Variants in PCDHGB3 observed in about 807,000 individuals in gnomAD.
PCDHGB3 encodes protocadherin gamma subfamily B, 3.
A neutral mutation model predicts 59.2 loss-of-function variants in PCDHGB3; 40 were observed. The ratio of observed to expected loss-of-function variants is 0.68; its 90% CI spans 0.52 to 0.88. The LOEUF (loss-of-function observed/expected upper bound fraction) is 0.88, where lower values mean the gene tolerates loss of function less well. Among genes scored for constraint, PCDHGB3 ranks in the 40% least tolerant of loss-of-function variants. The pLI, the probability that PCDHGB3 is intolerant of heterozygous loss-of-function variation, is 0.00. For missense variants in PCDHGB3, 1,309 were observed against 1,187.9 expected (o/e 1.10, Z -1.50); for synonymous variants, 581 against 503.6 (o/e 1.15, Z -2.06).
At position 141,384,907 on chromosome 5, in the gene PCDHGB3, G is replaced by A. The variant is rs753215361; in HGVS notation, c.2415+12098G>A. 1.5e-5 allele frequency: 24 copies of A among 1,613,952 alleles called. No homozygotes were observed. The South Asian group carries it at 2.3e-4, about 16-fold the overall frequency. ...CGTGGCTGTGGCTGACAGCATCCCCGAAGTCTTGGCCGACCTGGGCAGCCT... is the reference window on the plus strand; with the variant it reads ...CGTGGCTGTGGCTGACAGCATCCCCAAAGTCTTGGCCGACCTGGGCAGCCT... On this transcript the variant is annotated intron_variant, in intron 1 of 3. Transcript: ENST00000576222.
chr5:141,419,769 C>G (rs773303779), intron 1 of PCDHGB3: 3 of 1,613,888 alleles, frequency 1.9e-6, no homozygotes, highest in Non-Finnish European at 2.5e-6. Context: ...GACAAGGACT[C>G]GGTCCGCCAG....
intron 1 of PCDHGB3, among the ~76,000 whole-genome samples, chr5:141,492,490 G>C (rs2099741140): frequency 6.6e-6 from 1 of 152,208 alleles, no homozygotes; most frequent in Non-Finnish European, 1.5e-5. Context: ...CCAGGACCAG[G>C]CGAGGACTCC....
intron 3 of PCDHGB3, 57 bp from the exon 4 acceptor site, chr5:141,510,890 A>G (rs1434557860): frequency 1.2e-5 from 20 of 1,612,748 alleles, no homozygotes; most frequent in South Asian, 3.3e-5. Context: ...GATATAAGAC[A>G]GTGACTGTTG....
At chr5:141,437,249 T>G (rs2097870737) in intron 1 of PCDHGB3, among the ~76,000 whole-genome samples, 1 of 152,240 alleles carries the variant, frequency 6.6e-6, no homozygotes, top group African/African-American at 2.4e-5. Context: ...GGACTTTCCT[T>G]GTCTTTTTAT....
At chr5:141,480,021 C>T (rs1415230863) in intron 1 of PCDHGB3, among the ~76,000 whole-genome samples, 2 of 152,208 alleles carry the variant, frequency 1.3e-5, no homozygotes, top group East Asian at 3.8e-4. Flanking sequence ...AATCTCCTTT[C>T]TAAGCCTCTT....
intron 1 of PCDHGB3, among the ~76,000 whole-genome samples, chr5:141,460,961 A>ATATG (rs1463306338): frequency 3.5e-5 from 5 of 144,556 alleles, no homozygotes; most frequent in African/African-American, 1.3e-4. Flanking sequence ...GTATATATAT[A>ATATG]TGTGTGTGTG....
chr5:141,497,031 A>G (rs898409925), intron 2 of PCDHGB3, among the ~76,000 whole-genome samples: 14 of 152,184 alleles, frequency 9.2e-5, no homozygotes, highest in African/African-American at 3.4e-4. Context: ...TCGATTAAAA[A>G]TACAAAAATT....
intron 1 of PCDHGB3, among the ~76,000 whole-genome samples, chr5:141,380,688 T>C (rs1176696155): frequency 6.6e-6 from 1 of 152,260 alleles, no homozygotes; most frequent in Non-Finnish European, 1.5e-5. Flanking sequence ...TGCTTTGTGT[T>C]CGGAGTAGTC....
intron 1 of PCDHGB3, among the ~76,000 whole-genome samples, chr5:141,426,133 G>A (rs2096916691): frequency 6.6e-6 from 1 of 152,212 alleles, no homozygotes. Context: ...GCCAAGACTT[G>A]GGCTTTCTGC....
chr5:141,413,211 G>A, intron 1 of PCDHGB3: 1 of 1,613,214 alleles, frequency 6.2e-7, no homozygotes, highest in South Asian at 1.1e-5. Context: ...AGGAATCAAA[G>A]GATTGCAGCG....
intron 1 of PCDHGB3, among the ~76,000 whole-genome samples, chr5:141,465,422 G>A (rs74711061): frequency 0.01 from 1,576 of 152,260 alleles, 21 homozygotes; most frequent in African/African-American, 0.037. Context: ...AGCACTGAAA[G>A]GTGGGCACTT....
intron 1 of PCDHGB3, chr5:141,383,229 G>A: frequency 6.2e-7 from 1 of 1,613,958 alleles, no homozygotes. Flanking sequence ...ACATCCTGAT[G>A]GAAGATAAAA....
chr5:141,408,897 T>C (rs1156707427), intron 1 of PCDHGB3: 1 of 1,613,118 alleles, frequency 6.2e-7, no homozygotes, highest in East Asian at 2.2e-5. Context: ...GAAATTTCTG[T>C]CAAGGATACC....
chr5:141,502,383 G>A (rs941410477), intron 2 of PCDHGB3, among the ~76,000 whole-genome samples: 2 of 151,846 alleles, frequency 1.3e-5, no homozygotes, highest in African/African-American at 4.8e-5. Context: ...CAGGCCAGTT[G>A]TACTTTAAAA....
At chr5:141,418,310 G>C (rs778649723) in intron 1 of PCDHGB3, 2 of 1,613,990 alleles carry the variant, frequency 1.2e-6, no homozygotes, top group Non-Finnish European at 1.7e-6. Context: ...CCTGGGGATG[G>C]GAACAATTCT....
At position 141,487,329 on chromosome 5, in the gene PCDHGB3, C is replaced by T; in HGVS notation, c.2416-7478C>T. On this transcript the variant is annotated intron_variant, in intron 1 of 3. Coordinates refer to ENST00000576222, the MANE Select transcript of PCDHGB3 (RefSeq NM_018924.5). This position sits in a 1 kb window ranked among gnomAD's most constrained non-coding sequence, Gnocchi z 5.0. Reference sequence around the variant, plus strand: ...CTACTCTCTAAGTGTCTTCGTGGGGCAGCCTGTGGAGTCACATGCTTTCCT... The same window carrying T: ...CTACTCTCTAAGTGTCTTCGTGGGGTAGCCTGTGGAGTCACATGCTTTCCT... 1 of 1,614,170 alleles carries T rather than the reference C, an allele frequency of 6.2e-7. No homozygotes were observed. The highest frequency in any genetic ancestry group is 1.1e-5 in the South Asian group (1 of 91,070).
At chr5:141,410,659 C>T (rs1481225976) in intron 1 of PCDHGB3, 5 of 1,571,890 alleles carry the variant, frequency 3.2e-6, no homozygotes, top group Non-Finnish European at 4.3e-6. Flanking sequence ...ATCTAATAGT[C>T]TACTAGTTTC....
chr5:141,415,389 T>A lies in PCDHGB3; in HGVS notation c.2415+42580T>A, dbSNP rs1282535508. On this transcript the variant is annotated intron_variant, in intron 1 of 3. Transcript: ENST00000576222. ...AGGCTTCAGGAGGCGGCTTGACAGG[T>A]GTGTCCGGCTCGCACTTTGTGGGCG... 9.3e-6 allele frequency: 15 copies of A among 1,614,162 alleles called. No individual in the cohort carries two copies. The East Asian group carries it at 2.5e-4, about 26-fold the overall frequency.
chr5:141,452,701 G>A (rs2098747163), intron 1 of PCDHGB3, among the ~76,000 whole-genome samples: 1 of 151,838 alleles, frequency 6.6e-6, no homozygotes, highest in Non-Finnish European at 1.5e-5. Context: ...TGTCAAGAAA[G>A]AAAGGAAGGA....
Sources: allele counts gnomAD v4.1 joint callset (sites outside exome capture counted in the v4.1 genomes callset), GRCh38; gene constraint gnomAD v4.1.1; non-coding constraint Gnocchi (gnomAD v3.1); transcripts MANE v1.5; gene names NCBI Gene and HGNC (gene_info 2026-07-23, HGNC 2026-07-21).